PARL: variants seen among roughly 807,000 people sequenced by gnomAD.
PARL encodes the protein presenilin-associated rhomboid-like protein, mitochondrial.
A neutral mutation model predicts 51.6 loss-of-function variants in PARL; 44 were observed. The ratio of observed to expected loss-of-function variants is 0.85; its 90% CI spans 0.67 to 1.10. The LOEUF is 1.10. Among genes scored for constraint, PARL ranks in the 50% least tolerant of loss-of-function variants. PARL has a pLI of 0.00. For synonymous variants in PARL, 172 were observed against 164.0 expected, an observed-to-expected ratio of 1.05 and a Z score of -0.37; for missense variants, 441 against 469.5, an observed-to-expected ratio of 0.94 and a Z score of 0.56.
rs1727664446 is a variant in PARL, at chr3:183,829,505, A to G, written c.*93T>C. ...GGGAGGCCAGATGCTGGCATCTTCC[A>G]GACGGGAGCATAGCCATGGTCACTC... On this transcript the variant is annotated 3_prime_UTR_variant, in exon 10 of 10. Transcript: ENST00000317096. 3.1e-6 allele frequency: 5 copies of G among 1,612,752 alleles called. No homozygotes were observed. The Admixed American group carries it at 6.7e-5, about 22-fold the overall frequency.
chr3:183,852,632 G>A (rs1032891079), intron 4 of PARL, among the ~76,000 whole-genome samples: 3 of 152,064 alleles, frequency 2.0e-5, no homozygotes, highest in Non-Finnish European at 4.4e-5. Flanking sequence ...TCCCACCTCC[G>A]CCTCCCAAAG....
At chr3:183,861,878 A>G (rs1467983801) in intron 4 of PARL, among the ~76,000 whole-genome samples, 1 of 152,068 alleles carries the variant, frequency 6.6e-6, no homozygotes, top group Non-Finnish European at 1.5e-5. Context: ...CAGGTTCAAA[A>G]TTCTCCTGCT....
chr3:183,852,548 A>G (rs1237546721), intron 4 of PARL, among the ~76,000 whole-genome samples: 3 of 152,108 alleles, frequency 2.0e-5, no homozygotes, highest in African/African-American at 7.2e-5. Flanking sequence ...GTTTGGGATA[A>G]TGAAAAAGTC....
chr3:183,829,018 C>T (rs545864065), downstream of PARL, among the ~76,000 whole-genome samples: 26 of 152,296 alleles, frequency 1.7e-4, no homozygotes, highest in Non-Finnish European at 2.6e-4. Context: ...CAAATCACTT[C>T]TTTCTACCTC....
At chr3:183,847,590 G>T (rs1286809625) in intron 4 of PARL, among the ~76,000 whole-genome samples, 2 of 150,740 alleles carry the variant, frequency 1.3e-5, no homozygotes, top group Non-Finnish European at 3.0e-5. Context: ...TAAATAAAAA[G>T]AAAAAAAAGG....
chr3:183,861,005 G>A (rs1362034131), intron 4 of PARL, among the ~76,000 whole-genome samples: 1 of 152,036 alleles, frequency 6.6e-6, no homozygotes, highest in African/African-American at 2.4e-5. Flanking sequence ...TAGTAGAGAT[G>A]GGGTTTCACC....
chr3:183,863,174 T>C (rs999223558), intron 3 of PARL, among the ~76,000 whole-genome samples: 63 of 152,332 alleles, frequency 4.1e-4, no homozygotes, highest in African/African-American at 1.5e-3. Flanking sequence ...TGATTATTCA[T>C]ACCAAGGTCT....
intron 4 of PARL, among the ~76,000 whole-genome samples, chr3:183,859,764 T>C (rs1309287189): frequency 6.6e-6 from 1 of 152,212 alleles, no homozygotes; most frequent in Non-Finnish European, 1.5e-5. Flanking sequence ...AAATTTGAGA[T>C]ACCCCTCATT....
intron 1 of PARL, among the ~76,000 whole-genome samples, chr3:183,871,382 A>G (rs16858184): frequency 0.13 from 19,457 of 152,094 alleles, 1,874 homozygotes; most frequent in East Asian, 0.45. Flanking sequence ...AGAGACGAAC[A>G]ATTCCAGCTG....
rs190909545 is a variant in PARL at position 183,867,741 on chromosome 3, T to C, written c.321+124A>G. ...ATTCAGACTCTATAATTAGAATTCA[T>C]GAGCCCAGCTCTTTTTGATCCCCCC... On this transcript the variant is annotated intron_variant, in intron 2 of 9. Coordinates refer to ENST00000317096, the MANE Select transcript of PARL (RefSeq NM_018622.7). The C allele has an allele frequency of 8.0e-4, 594 of 743,584 alleles. 12 individuals carry two copies. In the East Asian group the frequency reaches 0.011, roughly 14 times the overall value. 46.1% of individuals were successfully genotyped at this position (743,584 alleles called of 1,614,324 possible). A position where few individuals can be genotyped will look rare whatever the true frequency, so the allele number is the denominator to read the frequency against.
At chr3:183,843,104 G>A (rs1361200625) in intron 5 of PARL, 1 of 585,850 alleles carries the variant, frequency 1.7e-6, no homozygotes, top group East Asian at 1.4e-4. Flanking sequence ...GGCTGGTCTC[G>A]AACTCCTGAG....
rs756504302 is a variant in PARL at position 183,833,805 on chromosome 3, G to A, written c.849C>T (p.Val283=). Residue 283 remains valine (V), a synonymous_variant, in exon 8 of 10, where the codon GTC becomes GTT. Transcript: ENST00000317096. ...GGATCTTAGTGCAGACAGCTGCGAG[G>A]ACTGTCATGATGGCACCAGACTGCA... ...SLGASGAIMT[V]LAAVCTKIPE... 6.2e-7 allele frequency: 1 copy of A among 1,611,986 alleles called. No homozygotes were observed. The highest frequency in any genetic ancestry group is 1.7e-5 in the Admixed American group (1 of 60,012).
intron 1 of PARL, among the ~76,000 whole-genome samples, chr3:183,878,409 C>T (rs2108715100): frequency 6.6e-6 from 1 of 152,258 alleles, no homozygotes; most frequent in Non-Finnish European, 1.5e-5. Context: ...ATAAGAACTA[C>T]AAAATATTGT....
chr3:183,862,524 G>A (rs544507926), intron 4 of PARL: 1 of 503,202 alleles, frequency 2.0e-6, no homozygotes, highest in Admixed American at 3.3e-5. Context: ...CAACAAAACT[G>A]ATCAATCAGT....
chr3:183,882,223 ATATATATATAT>A lies in PARL; in HGVS notation c.125+2488_125+2498del, dbSNP rs1734545855. ...TGTCTCTAAAAAAAAAAAAAAAAAA[ATATATATATAT>A]ATATATATATTTATATATATATATA... On this transcript the variant is annotated intron_variant, in intron 1 of 9. Coordinates refer to ENST00000317096, the MANE Select transcript of PARL (RefSeq NM_018622.7). 1.7e-4 allele frequency among the ~76,000 whole-genome samples: 6 copies of A among 35,382 alleles called. 1 individual carries two copies. The East Asian group carries it at 8.1e-3, about 48-fold the overall frequency. 23.2% of individuals were successfully genotyped at this position (35,382 alleles called of 152,430 possible).
chr3:183,826,678 G>T (rs1036988281), downstream of PARL: 1 of 985,152 alleles, frequency 1.0e-6, no homozygotes, highest in Non-Finnish European at 1.2e-6. Flanking sequence ...CAGCTGAGCA[G>T]GCCAGGCCAT....
chr3:183,867,723 C>CT, intron 2 of PARL, 142 bp downstream of exon 2: 1 of 675,170 alleles, frequency 1.5e-6, no homozygotes, highest in Non-Finnish European at 2.6e-6. Context: ...AAAATTCAGA[C>CT]TCTATAATTA....
At chr3:183,879,073 C>T (rs1230381373) in intron 1 of PARL, among the ~76,000 whole-genome samples, 1 of 152,220 alleles carries the variant, frequency 6.6e-6, no homozygotes, top group Non-Finnish European at 1.5e-5. Flanking sequence ...TGTTGTCCCA[C>T]AGATTAATCC....
At chr3:183,880,210 A>C (rs9290776) in intron 1 of PARL, among the ~76,000 whole-genome samples, 62,854 of 151,982 alleles carry the variant, frequency 0.41, 13,658 homozygotes, top group Middle Eastern at 0.55. Flanking sequence ...GAAGCGCCGC[A>C]ATAAAATGGA....
Sources: gnomAD v4.1 joint callset for allele counts (sites outside exome capture counted in the v4.1 genomes callset) on GRCh38, gnomAD v4.1.1 for gene constraint, MANE v1.5 for transcripts, NCBI Gene and HGNC (gene_info 2026-07-23, HGNC 2026-07-21) for gene names.